DLGAP2: variants seen among roughly 807,000 people sequenced by gnomAD.
DLGAP2 encodes the protein DLG associated protein 2, also known as disks large-associated protein 2.
In DLGAP2, 26 loss-of-function variants were observed where a neutral mutation model predicts 100.3. The ratio of observed to expected loss-of-function variants is 0.26; its 90% CI spans 0.19 to 0.36. The LOEUF is 0.36. Ranked by LOEUF, DLGAP2 falls within the 10% of genes least tolerant of loss-of-function variation. The pLI is 1.00. For missense variants in DLGAP2, 1,858 were observed against 1,453.2 expected (o/e 1.28, Z -4.53); for synonymous variants, 886 against 630.1 (o/e 1.41, Z -6.08).
rs1189379320 is a variant in DLGAP2 at position 1,442,140 on chromosome 8, G to A, written c.107-59226G>A. 3.3e-5 allele frequency among the ~76,000 whole-genome samples: 5 copies of A among 152,070 alleles called. No homozygotes were observed. The South Asian group carries it at 1.0e-3, about 32-fold the overall frequency. On this transcript the variant is annotated intron_variant, in intron 3 of 14. Coordinates refer to ENST00000637795, the MANE Select transcript of DLGAP2 (RefSeq NM_001346810.2). ...AGACAGATCCAGGCATAGACCCTCT[G>A]GGCTGCTGTGGGTTCAGCCACTGGA... is the stretch of plus-strand genomic sequence containing the variant.
At chr8:1,627,510 C>A in intron 7 of DLGAP2, among the ~76,000 whole-genome samples, 1 of 152,222 alleles carries the variant, frequency 6.6e-6, no homozygotes, top group East Asian at 1.9e-4. Flanking sequence ...AAAAAATCGG[C>A]AAGTGTCCTT....
intron 2 of DLGAP2, among the ~76,000 whole-genome samples, chr8:981,559 C>T (rs142746374): frequency 6.6e-6 from 1 of 152,248 alleles, no homozygotes; most frequent in African/African-American, 2.4e-5. Flanking sequence ...ACGAGGGTTC[C>T]AGTTTCTCTG....
chr8:1,436,539 C>G (rs757986375), intron 3 of DLGAP2, among the ~76,000 whole-genome samples: 28 of 152,226 alleles, frequency 1.8e-4, no homozygotes, highest in Non-Finnish European at 1.5e-4. Flanking sequence ...CAGGACAATA[C>G]TTTGCATCCT....
At chr8:1,596,537 G>T (rs1171667214) in intron 6 of DLGAP2, among the ~76,000 whole-genome samples, 3 of 152,156 alleles carry the variant, frequency 2.0e-5, no homozygotes, top group Admixed American at 1.3e-4. Context: ...AACATCTGTT[G>T]TTTCCTGGCT....
Position 1,228,354 on chromosome 8 carries a change from G to C in DLGAP2, c.74-30497G>C, listed in dbSNP as rs143984827. ...GCCAAAGGAAATCCAGGTTCAGATGGTCTCACTGGTGAATTCTGCCAAACA... is the reference window on the plus strand; with the variant it reads ...GCCAAAGGAAATCCAGGTTCAGATGCTCTCACTGGTGAATTCTGCCAAACA... On this transcript the variant is annotated intron_variant, in intron 2 of 14. Transcript: ENST00000637795. Among the ~76,000 whole-genome samples, 146 of 152,286 alleles carry C rather than the reference G, an allele frequency of 9.6e-4. 1 individual carries two copies. The highest frequency in any genetic ancestry group is 6.8e-3 in the Middle Eastern group (2 of 294).
chr8:1,631,232 G>A (rs1309389646), intron 7 of DLGAP2, among the ~76,000 whole-genome samples: 1 of 152,058 alleles, frequency 6.6e-6, no homozygotes, highest in Non-Finnish European at 1.5e-5. Flanking sequence ...TGAGATGCCA[G>A]CTTCTGTTTG....
rs186663127 is a variant in DLGAP2, at chr8:1,465,375, G to A, written c.107-35991G>A. Among the ~76,000 whole-genome samples, 4 of 152,052 alleles carry A rather than the reference G, an allele frequency of 2.6e-5. No homozygotes were observed. In the East Asian group the frequency reaches 7.7e-4, roughly 29 times the overall value. On this transcript the variant is annotated intron_variant, in intron 3 of 14. Coordinates refer to ENST00000637795, the MANE Select transcript of DLGAP2 (RefSeq NM_001346810.2). ...GAGGGAAGGGGACAGATGAAGAGAT[G>A]AGCAGAGCGAAGGGAAGAGATGAGC... is the stretch of plus-strand genomic sequence containing the variant.
At chr8:1,186,876 C>G (rs1434081876) in intron 2 of DLGAP2, among the ~76,000 whole-genome samples, 2 of 152,186 alleles carry the variant, frequency 1.3e-5, no homozygotes, top group African/African-American at 2.4e-5. Context: ...GCCCCCACGT[C>G]TGCCCTACCG....
At chr8:970,867 T>C (rs1276075341) in intron 2 of DLGAP2, among the ~76,000 whole-genome samples, 2 of 152,214 alleles carry the variant, frequency 1.3e-5, no homozygotes, top group Admixed American at 1.3e-4. Flanking sequence ...CCCCAGACTA[T>C]CTTAACCTTG....
chr8:1,045,382 A>G (rs1164076446), intron 2 of DLGAP2, among the ~76,000 whole-genome samples: 2 of 152,226 alleles, frequency 1.3e-5, no homozygotes, highest in African/African-American at 2.4e-5. Flanking sequence ...GTTGATAAAT[A>G]CAAATTGTAT....
intron 1 of DLGAP2, among the ~76,000 whole-genome samples, chr8:890,585 G>A (rs1024996865): frequency 5.3e-5 from 8 of 151,738 alleles, no homozygotes; most frequent in African/African-American, 1.9e-4. Flanking sequence ...TTCCCTCTGC[G>A]GCTGCGTAAT....
At chr8:1,499,432 G>A (rs776735304) in intron 3 of DLGAP2, among the ~76,000 whole-genome samples, 7 of 152,160 alleles carry the variant, frequency 4.6e-5, no homozygotes, top group Non-Finnish European at 8.8e-5. Context: ...ACAGCTGGAC[G>A]CTCTGTTCTC....
chr8:1,312,110 C>T (rs759683740), intron 3 of DLGAP2, among the ~76,000 whole-genome samples: 3 of 152,182 alleles, frequency 2.0e-5, no homozygotes, highest in Non-Finnish European at 2.9e-5. Flanking sequence ...CAGATTCTTC[C>T]CAAGCTCGCA....
chr8:1,430,011 T>TATATATATATATATATATATTTATATAC (rs1348288489), intron 3 of DLGAP2, among the ~76,000 whole-genome samples: 1 of 63,960 alleles, frequency 1.6e-5, no homozygotes, highest in Non-Finnish European at 3.3e-5. Context: ...TATATACATA[T>TATATATATATATATATATATTTATATAC]ATATATATAT....
chr8:1,178,593 A>C (rs1327066983), intron 2 of DLGAP2, among the ~76,000 whole-genome samples: 1 of 151,784 alleles, frequency 6.6e-6, no homozygotes, highest in African/African-American at 2.4e-5. Context: ...TCTTTTTTTT[A>C]GGTAAGCTTA....
intron 3 of DLGAP2, among the ~76,000 whole-genome samples, chr8:1,281,541 G>A (rs1015351512): frequency 3.3e-5 from 5 of 152,184 alleles, no homozygotes; most frequent in South Asian, 2.1e-4. Flanking sequence ...CTCCTGTGGG[G>A]CTCAGCCAGC....
intron 3 of DLGAP2, chr8:1,369,329 T>C (rs1802183130): frequency 6.6e-6 from 1 of 152,276 alleles, no homozygotes; most frequent in Non-Finnish European, 1.5e-5. Context: ...TGGCAGACGC[T>C]GTCTTCTTGC....
At chr8:1,111,820 A>G (rs1374634065) in intron 2 of DLGAP2, among the ~76,000 whole-genome samples, 3 of 152,152 alleles carry the variant, frequency 2.0e-5, no homozygotes, top group Non-Finnish European at 1.5e-5. Flanking sequence ...TGGGCATTTA[A>G]GTTGATTCCA....
chr8:1,277,092 A>G (rs1016412738), intron 3 of DLGAP2, among the ~76,000 whole-genome samples: 3 of 152,188 alleles, frequency 2.0e-5, no homozygotes, highest in African/African-American at 7.2e-5. Context: ...CTTCTGGAAT[A>G]TTATGTCCAT....
Sources: gnomAD v4.1 joint callset for allele counts (sites outside exome capture counted in the v4.1 genomes callset) on GRCh38, gnomAD v4.1.1 for gene constraint, MANE v1.5 for transcripts, NCBI Gene and HGNC (gene_info 2026-07-23, HGNC 2026-07-21) for gene names.